Variants in PDE4D observed in about 807,000 individuals in gnomAD.
PDE4D encodes 3',5'-cyclic-AMP phosphodiesterase 4D.
A neutral mutation model predicts 87.4 loss-of-function variants in PDE4D; 24 were observed. That is an observed-to-expected ratio of 0.27 (90% CI 0.20 to 0.39). PDE4D has a LOEUF of 0.39. Among genes scored for constraint, PDE4D ranks in the 10% least tolerant of loss-of-function variants. The pLI is 1.00. For synonymous variants in PDE4D, 384 were observed against 383.2 expected (o/e 1.00, Z -0.02); for missense variants, 714 against 1,041.0 (o/e 0.69, Z 4.32).
intron 1 of PDE4D, among the ~76,000 whole-genome samples, chr5:59,804,893 G>A (rs1326022361): frequency 6.6e-6 from 1 of 152,160 alleles, no homozygotes. Flanking sequence ...CCAGGTTCAA[G>A]CGATTCTCCC....
intron 2 of PDE4D, among the ~76,000 whole-genome samples, chr5:60,016,380 T>G (rs1202740733): frequency 1.3e-5 from 2 of 152,166 alleles, no homozygotes; most frequent in African/African-American, 4.8e-5. Flanking sequence ...TGGTAGCTGA[T>G]GACTGATCAG....
At chr5:59,306,698 T>A (rs12189022) in intron 1 of PDE4D, among the ~76,000 whole-genome samples, 33,263 of 148,888 alleles carry the variant, frequency 0.22, 4,046 homozygotes, top group Admixed American at 0.33. Context: ...CACTGCTCAA[T>A]GAAATAAAAG....
intron 2 of PDE4D, among the ~76,000 whole-genome samples, chr5:60,035,516 C>A (rs1005057557): frequency 2.6e-5 from 4 of 152,116 alleles, no homozygotes; most frequent in African/African-American, 9.7e-5. Context: ...TTCTAGACCC[C>A]CTTTTCCTTC....
chr5:59,266,345 C>G (rs1581679854), intron 1 of PDE4D, among the ~76,000 whole-genome samples: 1 of 151,756 alleles, frequency 6.6e-6, no homozygotes, highest in East Asian at 1.9e-4. Context: ...AACAGTTTTT[C>G]TTGACCCTAC....
At chr5:60,497,397 T>TTTTTTGTTTTTG (rs544407159) in intron 1 of PDE4D, among the ~76,000 whole-genome samples, 1 of 152,080 alleles carries the variant, frequency 6.6e-6, no homozygotes, top group Non-Finnish European at 1.5e-5. Context: ...GTCTTTCTTT[T>TTTTTTGTTTTTG]TTTTTGTTTT....
chr5:59,644,020 C>G (rs1194868656), intron 1 of PDE4D, among the ~76,000 whole-genome samples: 1 of 152,116 alleles, frequency 6.6e-6, no homozygotes, highest in East Asian at 1.9e-4. Context: ...GAGATAGAGT[C>G]TAGAGAATTT....
chr5:59,327,569 C>A (rs1450823134), intron 1 of PDE4D, among the ~76,000 whole-genome samples: 1 of 152,198 alleles, frequency 6.6e-6, no homozygotes, highest in East Asian at 1.9e-4. Context: ...CAGAACCTAG[C>A]TGTATGCACT....
chr5:59,142,047 C>T (rs1025661833), intron 5 of PDE4D, among the ~76,000 whole-genome samples: 5 of 152,092 alleles, frequency 3.3e-5, no homozygotes, highest in Admixed American at 1.3e-4. Context: ...GTTGTCTCTG[C>T]ACAAGCCTGA....
At chr5:59,830,679 G>C (rs1358673848) in intron 1 of PDE4D, among the ~76,000 whole-genome samples, 6 of 152,082 alleles carry the variant, frequency 3.9e-5, no homozygotes, top group Non-Finnish European at 8.8e-5. Flanking sequence ...CACACTGACA[G>C]AGAGATAAAG....
chr5:60,493,373 T>C (rs75467925), intron 1 of PDE4D, among the ~76,000 whole-genome samples: 4,209 of 152,342 alleles, frequency 0.028, 89 homozygotes, highest in Middle Eastern at 0.088. Context: ...ACATGAACCA[T>C]GTCTGGAATT....
intron 5 of PDE4D, among the ~76,000 whole-genome samples, chr5:59,156,331 A>ATATATATATATATGTGTGTGTGTG (rs1384479557): frequency 3.3e-5 from 4 of 122,766 alleles, no homozygotes; most frequent in African/African-American, 1.4e-4. Flanking sequence ...ATATATATAT[A>ATATATATATATATGTGTGTGTGTG]TGTGTGTGTG....
intron 1 of PDE4D, among the ~76,000 whole-genome samples, chr5:59,476,000 T>C (rs1261625946): frequency 6.6e-6 from 1 of 152,022 alleles, no homozygotes; most frequent in Non-Finnish European, 1.5e-5. Flanking sequence ...AGCATGTCAC[T>C]CAAAGACAGA....
intron 1 of PDE4D, among the ~76,000 whole-genome samples, chr5:59,368,925 A>T (rs1240655174): frequency 6.6e-6 from 1 of 152,236 alleles, no homozygotes. Context: ...AATCATAATT[A>T]AAAAGCAATG....
chr5:59,848,811 C>T (rs911053113), intron 1 of PDE4D, among the ~76,000 whole-genome samples: 3 of 151,914 alleles, frequency 2.0e-5, no homozygotes, highest in Non-Finnish European at 2.9e-5. Context: ...AATCCGTAAC[C>T]GGGGTAAGGG....
At chr5:59,560,643 C>G (rs1485934126) in intron 1 of PDE4D, among the ~76,000 whole-genome samples, 1 of 152,174 alleles carries the variant, frequency 6.6e-6, no homozygotes, top group Non-Finnish European at 1.5e-5. Context: ...TGGTCCAGTT[C>G]TCAGGTCTGG....
At chr5:59,147,842 T>C (rs1778896195) in intron 5 of PDE4D, among the ~76,000 whole-genome samples, 1 of 152,216 alleles carries the variant, frequency 6.6e-6, no homozygotes, top group Non-Finnish European at 1.5e-5. Flanking sequence ...GTTAGGTTAC[T>C]TGTTAACATA....
intron 1 of PDE4D, among the ~76,000 whole-genome samples, chr5:59,569,878 T>C (rs1014830670): frequency 9.2e-5 from 14 of 152,214 alleles, no homozygotes; most frequent in Non-Finnish European, 2.1e-4. Flanking sequence ...GTCTGAATGA[T>C]GCAGGGTCAA....
At chr5:59,412,047 T>C (rs769075810) in intron 1 of PDE4D, among the ~76,000 whole-genome samples, 3 of 152,206 alleles carry the variant, frequency 2.0e-5, no homozygotes, top group Non-Finnish European at 2.9e-5. Context: ...TCAATATCTA[T>C]ATACAAGAGG....
intron 1 of PDE4D, among the ~76,000 whole-genome samples, chr5:59,703,097 T>C (rs1049804587): frequency 3.3e-5 from 5 of 152,104 alleles, no homozygotes; most frequent in Non-Finnish European, 5.9e-5. Flanking sequence ...CACTGAGCAA[T>C]AGCTTTACCA....
Sources: gnomAD v4.1 joint callset for allele counts (sites outside exome capture counted in the v4.1 genomes callset) on GRCh38, gnomAD v4.1.1 for gene constraint, MANE v1.5 for transcripts, NCBI Gene and HGNC (gene_info 2026-07-23, HGNC 2026-07-21) for gene names.